Variants in ABCC9 observed in about 807,000 individuals in gnomAD.
The protein encoded by ABCC9 is ATP-binding cassette sub-family C member 9.
Under a neutral mutation model 188.3 loss-of-function variants are expected in ABCC9, and 95 were observed. The ratio of observed to expected loss-of-function variants is 0.50; its 90% confidence interval spans 0.43 to 0.60. The LOEUF (loss-of-function observed/expected upper bound fraction) is 0.60, where lower values mean the gene tolerates loss of function less well. ABCC9 is among the 20% of genes least tolerant of loss of function. ABCC9 has a pLI of 0.00. For missense variants in ABCC9, 1,102 were observed against 1,876.3 expected, an observed-to-expected ratio of 0.59 and a Z score of 7.62; for synonymous variants, 659 against 652.7, an observed-to-expected ratio of 1.01 and a Z score of -0.15.
intron 5 of ABCC9, chr12:21,924,027 A>C: frequency 2.2e-6 from 1 of 455,356 alleles, no homozygotes; most frequent in Non-Finnish European, 3.9e-6. Context: ...GTGTCATTCA[A>C]TTTACATGAA....
intron 5 of ABCC9, among the ~76,000 whole-genome samples, chr12:21,921,352 G>C (rs532213199): frequency 6.6e-5 from 10 of 151,936 alleles, no homozygotes; most frequent in Middle Eastern, 3.2e-3. Context: ...ATACACGTTT[G>C]CCATTCGTGT....
rs1413174422 is a variant in ABCC9, at chr12:21,848,082, C to CA, written c.2866+67dup. The CA allele has an allele frequency of 5.8e-6, 8 of 1,378,584 alleles. No homozygotes were observed. In the African/African-American group the frequency reaches 1.0e-4, roughly 17 times the overall value. The allele number at this position is 1,378,584 out of a possible 1,614,324, so 85.4% of individuals were successfully genotyped here. A position where few individuals can be genotyped will look rare whatever the true frequency, so the allele number is the denominator to read the frequency against. ...GCTTATTATTCCTCATGGAGACACT[C>CA]ACACATAAAAAACCCTCGCATCCTG... On this transcript the variant is annotated intron_variant, in intron 25 of 39. Coordinates refer to ENST00000261200, the MANE Select transcript of ABCC9 (RefSeq NM_020297.4).
intron 28 of ABCC9, among the ~76,000 whole-genome samples, chr12:21,842,768 G>A (rs1944460627): frequency 6.6e-6 from 1 of 152,170 alleles, no homozygotes; most frequent in African/African-American, 2.4e-5. Flanking sequence ...GAGCAAGACA[G>A]ACTGTAAATC....
chr12:21,872,711 C>G lies in ABCC9; in HGVS notation c.2112G>C (p.Val704=), dbSNP rs756409292. The G allele has an allele frequency of 5.6e-6, 9 of 1,613,458 alleles. No homozygotes were observed. Among genetic ancestry groups the G allele is most frequent in the Admixed American group, 1.7e-5 (1 of 59,966 alleles). ...RIPTGQLTMI[V]GQVGCGKSSL... ...AGGACTTCCCACATCCTACTTGGCC[C>G]ACAATCATGGTTAACTGACCTAGGA... The change falls in exon 18 of 40, where the codon GTG becomes GTC. Residue 704 remains valine, a synonymous_variant. Coordinates refer to ENST00000261200, the MANE Select transcript of ABCC9 (RefSeq NM_020297.4).
At chr12:21,860,933 T>C (rs758602020) in intron 21 of ABCC9, 38 bp downstream of exon 21, 4 of 1,497,576 alleles carry the variant, frequency 2.7e-6, no homozygotes, top group Admixed American at 3.3e-5. Flanking sequence ...CTTTTCTAGA[T>C]TTTTGTTCAT....
At chr12:21,908,919 T>C (rs1748076537) in intron 10 of ABCC9, among the ~76,000 whole-genome samples, 1 of 151,950 alleles carries the variant, frequency 6.6e-6, no homozygotes, top group Non-Finnish European at 1.5e-5. Flanking sequence ...CCTGCTATCC[T>C]AGTCTCTCTC....
rs118097305 is a variant in ABCC9 at position 21,804,744 on chromosome 12, A to C, written c.4512+1254T>G. On this transcript the variant is annotated intron_variant, in intron 39 of 39. Coordinates refer to ENST00000261200, the MANE Select transcript of ABCC9 (RefSeq NM_020297.4). ...CTGTTTCTCCCATGCATCATCCAAG[A>C]AAGTGGAAGCATAGCAAGCACTCCA... 4.0e-3 allele frequency among the ~76,000 whole-genome samples: 611 copies of C among 152,326 alleles called. 9 individuals carry two copies. Among genetic ancestry groups the C allele is most frequent in the East Asian group, 0.031 (161 of 5,180 alleles).
chr12:21,923,577 T>C, intron 5 of ABCC9: 1 of 392,652 alleles, frequency 2.5e-6, no homozygotes, highest in Non-Finnish European at 4.5e-6. Flanking sequence ...AAAACCGCAA[T>C]GTATTACCAG....
Position 21,932,612 on chromosome 12 carries a change from A to T in ABCC9, c.284+1170T>A, listed in dbSNP as rs544806743. On this transcript the variant is annotated intron_variant, in intron 4 of 39. Transcript: ENST00000261200. ...CCTCATAAAAAAGTGGGCAAAGGAC[A>T]TGAACAGACACATGTATGGAAAAAA... Among the ~76,000 whole-genome samples the T allele has an allele frequency of 2.6e-5, 4 of 152,226 alleles. No individual in the cohort carries two copies. The East Asian group carries it at 5.8e-4, about 22-fold the overall frequency.
rs560007812 is a variant in ABCC9 at position 21,799,967 on chromosome 12, G to A, written c.*1077C>T. The A allele has an allele frequency of 1.4e-4, 21 of 152,058 alleles. No individual in the cohort carries two copies. The highest frequency in any genetic ancestry group is 4.6e-4 in the African/African-American group (19 of 41,486). The allele number at this position is 152,058 out of a possible 1,614,324, so 9.4% of individuals were successfully genotyped here. ...CAATAACATTTTTGGTATATTTTTT[G>A]TATGCACATTAAAATTAGAGCAGGA... On this transcript the variant is annotated 3_prime_UTR_variant, in exon 40 of 40. Coordinates refer to ENST00000261200, the MANE Select transcript of ABCC9 (RefSeq NM_020297.4).
intron 3 of ABCC9, among the ~76,000 whole-genome samples, chr12:21,934,674 C>A (rs1313730295): frequency 6.6e-6 from 1 of 151,952 alleles, no homozygotes; most frequent in Non-Finnish European, 1.5e-5. Context: ...AATACTAGGT[C>A]ATATGTGGTG....
At position 21,817,954 on chromosome 12, in the gene ABCC9, C is replaced by T. The variant is rs555187801; in HGVS notation, c.3771+196G>A. Among the ~76,000 whole-genome samples, 65 of 151,990 alleles carry T rather than the reference C, an allele frequency of 4.3e-4. 1 individual carries two copies. In the South Asian group the frequency reaches 0.013, roughly 31 times the overall value. On this transcript the variant is annotated intron_variant, in intron 32 of 39. Coordinates refer to ENST00000261200, the MANE Select transcript of ABCC9 (RefSeq NM_020297.4). ...CATGCAGGTTTGTTACATAGGTATA[C>T]GTGTGCCATGATGGTTTGCTGCACC...
chr12:21,798,889 C>T lies in ABCC9; in HGVS notation c.*2155G>A, dbSNP rs1941290994. 1 of 149,982 alleles carries T rather than the reference C, an allele frequency of 6.7e-6. No individual in the cohort carries two copies. Among genetic ancestry groups the T allele is most frequent in the African/African-American group, 2.5e-5 (1 of 40,578 alleles). The allele number at this position is 149,982 out of a possible 1,614,324, so 9.3% of individuals were successfully genotyped here. ...TAGACTGGATTAAGAAAATGTGGCA[C>T]ATATACACCATGGAATACTATGCAG... On this transcript the variant is annotated 3_prime_UTR_variant, in exon 40 of 40. Transcript: ENST00000261200.
Position 21,845,721 on chromosome 12 carries a change from A to T in ABCC9, c.2978T>A (p.Leu993Gln). The stretch of plus-strand genomic sequence containing the variant: ...CTTAGAGAAAATCATCAGGATGAGC[A>T]GGAAGAATCCTCCAGATGTCAGGTA... ...WRYLTSGGFF[L>Q]LILMIFSKLL... is the part of the protein sequence containing the mutation. Residue 993 changes from leucine to glutamine, a missense_variant, in exon 26 of 40, where the codon CTG (leucine) becomes CAG (glutamine). By Grantham distance (113) the Leu-to-Gln change is moderately radical (BLOSUM62 -2). Transcript: ENST00000261200. The T allele has an allele frequency of 3.1e-6, 5 of 1,613,964 alleles. No individual in the cohort carries two copies. The highest frequency in any genetic ancestry group is 4.2e-6 in the Non-Finnish European group (5 of 1,179,856).
chr12:21,844,346 G>T, intron 28 of ABCC9, 137 bp downstream of exon 28: 1 of 717,272 alleles, frequency 1.4e-6, no homozygotes. Flanking sequence ...TGCATGTATT[G>T]ATACAAATAC....
intron 12 of ABCC9, among the ~76,000 whole-genome samples, chr12:21,902,155 G>C (rs187443080): frequency 6.6e-6 from 1 of 152,098 alleles, no homozygotes; most frequent in East Asian, 1.9e-4. Context: ...ACTCAAAACC[G>C]CTCAACTACA....
At chr12:21,886,028 C>A (rs1267323589) in intron 15 of ABCC9, among the ~76,000 whole-genome samples, 1 of 151,992 alleles carries the variant, frequency 6.6e-6, no homozygotes, top group Non-Finnish European at 1.5e-5. Flanking sequence ...CTAACATTAA[C>A]TTATGACTCA....
intron 5 of ABCC9, among the ~76,000 whole-genome samples, chr12:21,920,263 A>G (rs1253463997): frequency 1.3e-5 from 2 of 152,064 alleles, no homozygotes; most frequent in Non-Finnish European, 2.9e-5. Context: ...AAGAAAAAGA[A>G]AAAAGAAGGC....
intron 37 of ABCC9, among the ~76,000 whole-genome samples, chr12:21,808,662 G>C (rs1211573509): frequency 2.0e-5 from 3 of 151,862 alleles, no homozygotes; most frequent in Non-Finnish European, 4.4e-5. Context: ...CAGCTACTCA[G>C]GAGGCTGAGG....
Sources: allele counts gnomAD v4.1 joint callset (sites outside exome capture counted in the v4.1 genomes callset), GRCh38; gene constraint gnomAD v4.1.1; transcripts MANE v1.5; gene names NCBI Gene and HGNC (gene_info 2026-07-23, HGNC 2026-07-21).